The following LATS1 variants were observed in gnomAD, a reference collection of about 807,000 sequenced individuals.
LATS1 encodes serine/threonine-protein kinase LATS1.
A neutral mutation model predicts 106.6 loss-of-function variants in LATS1; 25 were observed. That is an observed-to-expected ratio of 0.23 (90% CI 0.17 to 0.33). LATS1 has a LOEUF of 0.33. LATS1 is among the 10% of genes least tolerant of loss of function. LATS1 has a pLI of 1.00. For missense variants in LATS1, 1,040 were observed against 1,382.6 expected (o/e 0.75, Z 3.93); for synonymous variants, 465 against 455.6 (o/e 1.02, Z -0.26).
At chr6:149,672,446 T>G (rs1333195176) in intron 7 of LATS1, among the ~76,000 whole-genome samples, 1 of 150,932 alleles carries the variant, frequency 6.6e-6, no homozygotes, top group African/African-American at 2.4e-5. Context: ...TGACCTCAGG[T>G]GATCTGCCTG....
At chr6:149,699,618 T>G (rs373560516) in intron 2 of LATS1, among the ~76,000 whole-genome samples, 1 of 152,176 alleles carries the variant, frequency 6.6e-6, no homozygotes, top group African/African-American at 2.4e-5. Flanking sequence ...ATTTGTGTAG[T>G]AGCACTTCAA....
chr6:149,679,600 T>C (rs1026362699), intron 5 of LATS1, among the ~76,000 whole-genome samples: 3 of 145,576 alleles, frequency 2.1e-5, no homozygotes, highest in Non-Finnish European at 3.1e-5. Context: ...TCAAATAAAA[T>C]GTAAAAGGTG....
chr6:149,668,854 G>A (rs1327326750), intron 7 of LATS1, among the ~76,000 whole-genome samples: 1 of 151,930 alleles, frequency 6.6e-6, no homozygotes, highest in African/African-American at 2.4e-5. Context: ...AGGCTGGTGT[G>A]CAGTGGTACA....
chr6:149,680,533 T>A (rs1781978709), intron 4 of LATS1, 76 bp from the exon 5 acceptor site: 1 of 1,031,526 alleles, frequency 9.7e-7, no homozygotes, highest in Non-Finnish European at 1.4e-6. Context: ...TTGGGAAAAA[T>A]TCAGGCATAT....
intron 3 of LATS1, among the ~76,000 whole-genome samples, chr6:149,693,947 C>T (rs9689549): frequency 0.014 from 2,151 of 151,938 alleles, 55 homozygotes; most frequent in African/African-American, 0.049. Context: ...AAAAATTAGC[C>T]GGGCATAGTG....
chr6:149,709,917 A>G (rs1452445010), intron 1 of LATS1, among the ~76,000 whole-genome samples: 2 of 151,108 alleles, frequency 1.3e-5, no homozygotes, highest in African/African-American at 4.9e-5. Context: ...CTCGTGATCC[A>G]CCTGCCTCGG....
chr6:149,700,901 A>G (rs989507069), intron 2 of LATS1, among the ~76,000 whole-genome samples: 55 of 152,166 alleles, frequency 3.6e-4, no homozygotes, highest in African/African-American at 1.3e-3. Context: ...ATCCTGCTTC[A>G]GCCTCCCAGG....
intron 1 of LATS1, among the ~76,000 whole-genome samples, chr6:149,706,965 C>T (rs1783805708): frequency 6.6e-6 from 1 of 150,760 alleles, no homozygotes; most frequent in African/African-American, 2.4e-5. Flanking sequence ...CTAACATATA[C>T]TACTATTAAC....
intron 3 of LATS1, among the ~76,000 whole-genome samples, chr6:149,686,489 C>G (rs1319963260): frequency 6.6e-6 from 1 of 152,168 alleles, no homozygotes; most frequent in Non-Finnish European, 1.5e-5. Flanking sequence ...CCCTCCGGAT[C>G]CACTCGGCTC....
chr6:149,675,359 C>A (rs777005821), intron 7 of LATS1, among the ~76,000 whole-genome samples: 1 of 152,050 alleles, frequency 6.6e-6, no homozygotes, highest in South Asian at 2.1e-4. Flanking sequence ...CTTTAACCCA[C>A]GGACAATCAC....
At chr6:149,687,089 AT>A (rs943211956) in intron 3 of LATS1, among the ~76,000 whole-genome samples, 1 of 120,660 alleles carries the variant, frequency 8.3e-6, no homozygotes, top group African/African-American at 2.9e-5. Context: ...GATCTCCAAG[AT>A]TTTTATTTTT....
In LATS1 at chr6:149,684,323, G is replaced by T. The variant is rs1365068830; in HGVS notation, c.766C>A (p.Pro256Thr). ...GGTGGAGTTGTACCTCTTGGAGGGG[G>T]AGTCTGGCCTCTTGGAGGTGGTGGA... ...TPPPPPRGQT[P>T]PPRGTTPPPP... The change falls in exon 4 of 8, where the codon CCC (proline) becomes ACC (threonine). Residue 256 changes from proline to threonine, a missense_variant. Pro to Thr is a conservative substitution (Grantham distance 38, BLOSUM62 -1). Transcript: ENST00000543571. 3 of 1,613,874 alleles carry T rather than the reference G, an allele frequency of 1.9e-6. No individual in the cohort carries two copies. Among genetic ancestry groups the T allele is most frequent in the Non-Finnish European group, 2.5e-6 (3 of 1,179,978 alleles).
intron 7 of LATS1, among the ~76,000 whole-genome samples, chr6:149,673,259 G>A (rs758086096): frequency 1.3e-5 from 2 of 151,266 alleles, no homozygotes; most frequent in Non-Finnish European, 2.9e-5. Flanking sequence ...TGCCATGCTC[G>A]GCTAATTTTT....
chr6:149,704,248 C>A (rs1258086162), intron 1 of LATS1, among the ~76,000 whole-genome samples: 1 of 152,102 alleles, frequency 6.6e-6, no homozygotes, highest in Non-Finnish European at 1.5e-5. Context: ...GGTGATCCAC[C>A]CACCTCAGCC....
rs746837914 is a variant in LATS1 at position 149,684,607 on chromosome 6, GA to G, written c.497-16del. ...CTGCACATTCCCTATGGTTATAAGAGAGATAAAGAGAAAAAAGAATCATGTT... is the reference window on the plus strand; with the variant it reads ...CTGCACATTCCCTATGGTTATAAGAGGATAAAGAGAAAAAAGAATCATGTT... On this transcript the variant is annotated splice_polypyrimidine_tract_variant and intron_variant, in intron 3 of 7. Transcript: ENST00000543571. 1.2e-5 allele frequency: 18 copies of G among 1,500,822 alleles called. No individual in the cohort carries two copies. Among genetic ancestry groups the G allele is most frequent in the Non-Finnish European group, 1.4e-5 (16 of 1,120,874 alleles). The allele number at this position is 1,500,822 out of a possible 1,614,324, so 93.0% of individuals were successfully genotyped here. A position where few individuals can be genotyped will look rare whatever the true frequency, so the allele number is the denominator to read the frequency against.
intron 4 of LATS1, 188 bp downstream of exon 4, chr6:149,682,891 A>C (rs4421206): frequency 0.42 from 241,635 of 577,802 alleles, 54,566 homozygotes; most frequent in East Asian, 0.76. Flanking sequence ...CTGAATAAAT[A>C]TTGAAATACT....
intron 2 of LATS1, among the ~76,000 whole-genome samples, chr6:149,701,261 G>C (rs966731539): frequency 8.5e-5 from 13 of 152,198 alleles, no homozygotes; most frequent in African/African-American, 3.1e-4. Flanking sequence ...AATGAATTCT[G>C]AAGAGAAATA....
chr6:149,696,001 G>A (rs1783042323), intron 2 of LATS1, among the ~76,000 whole-genome samples: 1 of 151,472 alleles, frequency 6.6e-6, no homozygotes, highest in Non-Finnish European at 1.5e-5. Context: ...TACCTCCTGG[G>A]CTCAAGCGAT....
At chr6:149,700,608 C>CA (rs1040248375) in intron 2 of LATS1, among the ~76,000 whole-genome samples, 2 of 151,322 alleles carry the variant, frequency 1.3e-5, no homozygotes, top group African/African-American at 4.9e-5. Flanking sequence ...ATTCGGCCAC[C>CA]AAAAAAACAC....
Sources: allele counts gnomAD v4.1 joint callset (sites outside exome capture counted in the v4.1 genomes callset), GRCh38; gene constraint gnomAD v4.1.1; transcripts MANE v1.5; gene names NCBI Gene and HGNC (gene_info 2026-07-23, HGNC 2026-07-21).